PTPRZ1: variants seen among roughly 807,000 people sequenced by gnomAD.
PTPRZ1 encodes protein tyrosine phosphatase receptor type Z1.
Under a neutral mutation model 214.1 loss-of-function variants are expected in PTPRZ1, and 82 were observed. That is an observed-to-expected ratio of 0.38 (90% CI 0.32 to 0.46). PTPRZ1 has a LOEUF of 0.46. Ranked by LOEUF, PTPRZ1 falls within the 20% of genes least tolerant of loss-of-function variation. PTPRZ1 has a pLI of 1.00. For synonymous variants in PTPRZ1, 945 were observed against 987.9 expected (o/e 0.96, Z 0.81); for missense variants, 2,603 against 2,748.7 (o/e 0.95, Z 1.19).
chr7:122,023,990 A>C (rs2116699847), intron 13 of PTPRZ1, among the ~76,000 whole-genome samples: 1 of 151,668 alleles, frequency 6.6e-6, no homozygotes, highest in South Asian at 2.1e-4. Context: ...CTACAAGTTT[A>C]AGACAGTCAT....
chr7:121,970,017 G>A (rs1469050175), intron 3 of PTPRZ1, among the ~76,000 whole-genome samples: 2 of 138,196 alleles, frequency 1.4e-5, no homozygotes, highest in African/African-American at 5.5e-5. Context: ...TGTTCTCATT[G>A]TTCAAATCCC....
At chr7:121,945,830 C>G (rs1014577874) in intron 2 of PTPRZ1, among the ~76,000 whole-genome samples, 2 of 152,148 alleles carry the variant, frequency 1.3e-5, no homozygotes, top group African/African-American at 4.8e-5. Context: ...TTAAAGACAG[C>G]CTCTTCTCCA....
intron 22 of PTPRZ1, 133 bp from the exon 23 acceptor site, chr7:122,044,289 T>G (rs1004651655): frequency 9.9e-7 from 1 of 1,012,584 alleles, no homozygotes; most frequent in Non-Finnish European, 1.5e-6. Context: ...CCAGGTTTTG[T>G]AAGCAATCTT....
chr7:121,883,629 G>T (rs1158106621), intron 1 of PTPRZ1, among the ~76,000 whole-genome samples: 1 of 152,146 alleles, frequency 6.6e-6, no homozygotes, highest in Non-Finnish European at 1.5e-5. Context: ...GGCAGTTTTC[G>T]TTGTTGCTGT....
At chr7:122,034,882 TTCTC>T (rs557615252) in intron 17 of PTPRZ1, among the ~76,000 whole-genome samples, 1 of 152,176 alleles carries the variant, frequency 6.6e-6, no homozygotes, top group Non-Finnish European at 1.5e-5. Context: ...TTCTTAGCCT[TTCTC>T]TCTCCCTTTC....
At chr7:122,044,799 A>G (rs1351622497) in intron 23 of PTPRZ1, among the ~76,000 whole-genome samples, 1 of 152,218 alleles carries the variant, frequency 6.6e-6, no homozygotes, top group African/African-American at 2.4e-5. Flanking sequence ...ACTAACTTTT[A>G]TAAATGCAAA....
At position 122,011,281 on chromosome 7, in the gene PTPRZ1, C is replaced by A. The variant is rs1247929882; in HGVS notation, c.2235C>A (p.Tyr745Ter). ...QDLVSTVNVV[Y>*]SQTTQPVYNG... Reference sequence around the variant, plus strand: ...TGGTCTCCACGGTCAACGTGGTATACTCGCAGACAACCCAACCGGTATACA... The same window carrying A: ...TGGTCTCCACGGTCAACGTGGTATAATCGCAGACAACCCAACCGGTATACA... The change falls in exon 12 of 30, where the codon TAC becomes TAA. Residue 745 changes from tyrosine to a stop codon, truncating the protein, a stop_gained. Transcript: ENST00000393386. LOFTEE classifies it high-confidence loss of function. The A allele has an allele frequency of 6.2e-7, 1 of 1,614,084 alleles. No individual in the cohort carries two copies. The highest frequency in any genetic ancestry group is 1.6e-4 in the Middle Eastern group (1 of 6,062).
Position 121,997,479 on chromosome 7 carries a change from C to G in PTPRZ1, c.1114-401C>G, listed in dbSNP as rs924444929. 2.6e-5 allele frequency among the ~76,000 whole-genome samples: 4 copies of G among 151,990 alleles called. No individual in the cohort carries two copies. In the East Asian group the frequency reaches 7.7e-4, roughly 29 times the overall value. ...TGAAGAAGATAATTCTATTACTGTT[C>G]TTGCATATATATTGTCAAGAAAAAG... is the stretch of plus-strand genomic sequence containing the variant. On this transcript the variant is annotated intron_variant, in intron 9 of 29. Transcript: ENST00000393386.
chr7:121,974,823 T>G (rs547962956), intron 4 of PTPRZ1, among the ~76,000 whole-genome samples: 40 of 152,242 alleles, frequency 2.6e-4, no homozygotes, highest in African/African-American at 9.6e-4. Flanking sequence ...TATGTAATTG[T>G]GTAAGCAGGA....
At chr7:121,990,516 T>C (rs904556610) in intron 8 of PTPRZ1, among the ~76,000 whole-genome samples, 1 of 138,414 alleles carries the variant, frequency 7.2e-6, no homozygotes. Context: ...AACTGTCTTT[T>C]TTTTTTTTTT....
chr7:121,959,144 A>G (rs770733951), intron 2 of PTPRZ1, among the ~76,000 whole-genome samples: 1 of 152,158 alleles, frequency 6.6e-6, no homozygotes, highest in Non-Finnish European at 1.5e-5. Context: ...ACTTTCTTAA[A>G]TATCATAATG....
rs184359265 is a variant in PTPRZ1, at chr7:122,024,288, G to A, written c.4989-4264G>A. Among the ~76,000 whole-genome samples, 292 of 150,832 alleles carry A rather than the reference G, an allele frequency of 1.9e-3. 5 individuals are homozygous for A. Among genetic ancestry groups the A allele is most frequent in the African/African-American group, 6.7e-3 (276 of 41,066 alleles). On this transcript the variant is annotated intron_variant, in intron 13 of 29. Transcript: ENST00000393386. ...ATTTTTGAAAGCTTTTTTAAGAGTTGGAACCTAAAAAGTACCAAAGGTATA... is the reference window on the plus strand; with the variant it reads ...ATTTTTGAAAGCTTTTTTAAGAGTTAGAACCTAAAAAGTACCAAAGGTATA...
At chr7:121,935,650 C>T (rs1352416388) in intron 2 of PTPRZ1, among the ~76,000 whole-genome samples, 1 of 152,084 alleles carries the variant, frequency 6.6e-6, no homozygotes, top group Admixed American at 6.6e-5. Flanking sequence ...CTGCTGCAAT[C>T]TCCGCCTCCC....
At chr7:121,904,368 A>T (rs960094268) in intron 1 of PTPRZ1, among the ~76,000 whole-genome samples, 2 of 152,148 alleles carry the variant, frequency 1.3e-5, no homozygotes, top group African/African-American at 4.8e-5. Flanking sequence ...GGCAGCCTGG[A>T]ACCAGGCCTC....
rs1792570824 is a variant in PTPRZ1 at position 122,061,318 on chromosome 7, C to T, written c.*98C>T. 1.5e-5 allele frequency: 17 copies of T among 1,169,560 alleles called. No homozygotes were observed. Among genetic ancestry groups the T allele is most frequent in the Non-Finnish European group, 1.9e-5 (17 of 883,272 alleles). The allele number at this position is 1,169,560 out of a possible 1,614,324, so 72.4% of individuals were successfully genotyped here. ...CTAGTTCTGTTATCTGTTGATTTCCCATCACCTGACAGTAACTTTCATGAC... is the reference window on the plus strand; with the variant it reads ...CTAGTTCTGTTATCTGTTGATTTCCTATCACCTGACAGTAACTTTCATGAC... On this transcript the variant is annotated 3_prime_UTR_variant, in exon 30 of 30. Coordinates refer to ENST00000393386, the MANE Select transcript of PTPRZ1 (RefSeq NM_002851.3).
At chr7:121,917,193 G>A (rs909521989) in intron 1 of PTPRZ1, among the ~76,000 whole-genome samples, 2 of 152,118 alleles carry the variant, frequency 1.3e-5, no homozygotes. Context: ...TTTATGTACC[G>A]ATAAAGCAGT....
At chr7:122,016,691 T>TA (rs1437736506) in intron 12 of PTPRZ1, among the ~76,000 whole-genome samples, 1 of 151,724 alleles carries the variant, frequency 6.6e-6, no homozygotes, top group African/African-American at 2.4e-5. Flanking sequence ...TTATATATCT[T>TA]ACATATATGA....
At chr7:121,909,221 A>G (rs1026534341) in intron 1 of PTPRZ1, among the ~76,000 whole-genome samples, 1 of 152,142 alleles carries the variant, frequency 6.6e-6, no homozygotes, top group South Asian at 2.1e-4. Context: ...AAGCTGCTGG[A>G]GTATATGCTC....
rs61758737 is a variant in PTPRZ1 at position 122,011,437 on chromosome 7, G to A, written c.2391G>A (p.Thr797=). ...ASSSDSALHA[T]PVFPSVDVSF... ...GTAGTGATTCGGCCTTGCATGCTAC[G>A]CCTGTATTTCCCAGTGTCGATGTGT... The change falls in exon 12 of 30, where the codon ACG becomes ACA. Residue 797 remains threonine (T), a synonymous_variant. Coordinates refer to ENST00000393386, the MANE Select transcript of PTPRZ1 (RefSeq NM_002851.3). 9.6e-4 allele frequency: 1,551 copies of A among 1,613,976 alleles called. 3 individuals are homozygous for A. Among genetic ancestry groups the A allele is most frequent in the Admixed American group, 1.4e-3 (86 of 60,000 alleles).
Sources: allele counts gnomAD v4.1 joint callset (sites outside exome capture counted in the v4.1 genomes callset), GRCh38; gene constraint gnomAD v4.1.1; transcripts MANE v1.5; gene names NCBI Gene and HGNC (gene_info 2026-07-23, HGNC 2026-07-21).